Variants in NPAS3 observed in about 807,000 individuals in gnomAD.
The protein encoded by NPAS3 is neuronal PAS domain protein 3.
A neutral mutation model predicts 73.1 loss-of-function variants in NPAS3; 14 were observed. The ratio of observed to expected loss-of-function variants is 0.19; its 90% CI spans 0.13 to 0.30. The LOEUF (loss-of-function observed/expected upper bound fraction) is 0.30, where lower values mean the gene tolerates loss of function less well. Among genes scored for constraint, NPAS3 ranks in the 10% least tolerant of loss-of-function variants. The probability of loss-of-function intolerance (pLI) is 1.00; values close to 1 mark genes in which losing one functional copy is unlikely to be tolerated. For synonymous variants in NPAS3, 620 were observed against 541.5 expected, an observed-to-expected ratio of 1.14 and a Z score of -2.01; for missense variants, 1,096 against 1,250.0, an observed-to-expected ratio of 0.88 and a Z score of 1.86.
chr14:33,202,119 G>C (rs1010514093), intron 2 of NPAS3, among the ~76,000 whole-genome samples: 6 of 151,920 alleles, frequency 3.9e-5, no homozygotes, highest in African/African-American at 1.5e-4. Context: ...AAATGTTACT[G>C]GGCCTAGTGT....
chr14:33,360,436 T>C (rs1388577743), intron 3 of NPAS3, among the ~76,000 whole-genome samples: 2 of 152,342 alleles, frequency 1.3e-5, no homozygotes, highest in East Asian at 3.9e-4. Context: ...TTGGGTATGA[T>C]CTAATTTTTT....
At chr14:32,938,527 G>A (rs547970701), upstream of NPAS3, among the ~76,000 whole-genome samples, 5 of 71,178 alleles carry the variant, frequency 7.0e-5, no homozygotes, top group East Asian at 8.1e-4. Flanking sequence ...GAGAGAGAAG[G>A]GGGGGGAGGT....
chr14:33,492,923 G>A (rs1397619377), intron 4 of NPAS3, among the ~76,000 whole-genome samples: 1 of 152,124 alleles, frequency 6.6e-6, no homozygotes, highest in Non-Finnish European at 1.5e-5. Context: ...ATCTTAACCT[G>A]TCACTATATT....
intron 4 of NPAS3, among the ~76,000 whole-genome samples, chr14:33,529,588 G>A (rs1266067774): frequency 6.6e-6 from 1 of 152,046 alleles, no homozygotes; most frequent in Non-Finnish European, 1.5e-5. Context: ...TGTTGTTAAA[G>A]TAATGGGCAT....
intron 3 of NPAS3, among the ~76,000 whole-genome samples, chr14:33,336,920 A>G (rs1024498199): frequency 6.6e-6 from 1 of 151,822 alleles, no homozygotes; most frequent in East Asian, 1.9e-4. Context: ...CCCATTTTTT[A>G]TTGGGTTGTT....
intron 4 of NPAS3, among the ~76,000 whole-genome samples, chr14:33,453,588 T>C (rs548382654): frequency 1.0e-3 from 159 of 152,310 alleles, no homozygotes; most frequent in African/African-American, 3.8e-3. Context: ...ATTCTGGATT[T>C]GTTATCCACA....
At chr14:33,648,400 A>G (rs1414010862) in intron 5 of NPAS3, among the ~76,000 whole-genome samples, 1 of 152,224 alleles carries the variant, frequency 6.6e-6, no homozygotes, top group East Asian at 1.9e-4. Context: ...TAACTTGGGC[A>G]TGTACCATTT....
intron 3 of NPAS3, among the ~76,000 whole-genome samples, chr14:33,325,692 T>G (rs1190389757): frequency 6.7e-6 from 1 of 148,644 alleles, no homozygotes; most frequent in Admixed American, 6.7e-5. Flanking sequence ...ATAGTCACCC[T>G]GTTGTGTTAT....
intron 5 of NPAS3, among the ~76,000 whole-genome samples, chr14:33,593,827 G>A (rs775298067): frequency 1.6e-4 from 24 of 152,134 alleles, no homozygotes; most frequent in Non-Finnish European, 3.1e-4. Flanking sequence ...CAGAATAGTA[G>A]GCAATGTGAG....
At chr14:33,729,395 A>G (rs1192486007) in intron 6 of NPAS3, among the ~76,000 whole-genome samples, 1 of 152,188 alleles carries the variant, frequency 6.6e-6, no homozygotes, top group East Asian at 1.9e-4. Context: ...GTATTGGATA[A>G]CAAATTACCC....
At chr14:33,089,377 T>A (rs140341769) in intron 2 of NPAS3, among the ~76,000 whole-genome samples, 2,887 of 152,234 alleles carry the variant, frequency 0.019, 87 homozygotes, top group African/African-American at 0.066. Context: ...GCTGATTCAA[T>A]CAACTGGAAG....
chr14:33,519,562 G>A (rs556383578), intron 4 of NPAS3, among the ~76,000 whole-genome samples: 9 of 152,238 alleles, frequency 5.9e-5, no homozygotes, highest in South Asian at 2.1e-4. Context: ...TTTGTGTAAC[G>A]TGGGACAGAT....
chr14:33,622,284 C>T (rs1052989147), intron 5 of NPAS3, among the ~76,000 whole-genome samples: 8 of 151,804 alleles, frequency 5.3e-5, no homozygotes, highest in Non-Finnish European at 7.4e-5. Context: ...AGCGGATTTC[C>T]GTATAGCTAA....
At chr14:33,756,708 G>GC (rs2062126021) in intron 7 of NPAS3, among the ~76,000 whole-genome samples, 1 of 152,216 alleles carries the variant, frequency 6.6e-6, no homozygotes, top group Admixed American at 6.5e-5. Flanking sequence ...CTTTCATGCA[G>GC]TAGATAGATG....
At chr14:33,022,843 T>G (rs755012425) in intron 1 of NPAS3, among the ~76,000 whole-genome samples, 6 of 152,124 alleles carry the variant, frequency 3.9e-5, no homozygotes, top group Non-Finnish European at 8.8e-5. Context: ...TGACAGCTTT[T>G]TATTTGCCAG....
chr14:33,106,643 G>T (rs1428145659), intron 2 of NPAS3, among the ~76,000 whole-genome samples: 1 of 152,146 alleles, frequency 6.6e-6, no homozygotes, highest in African/African-American at 2.4e-5. Context: ...TTATCTTTAA[G>T]TACAAGCTAA....
At chr14:33,530,052 T>A (rs2053973020) in intron 4 of NPAS3, among the ~76,000 whole-genome samples, 1 of 152,170 alleles carries the variant, frequency 6.6e-6, no homozygotes, top group South Asian at 2.1e-4. Flanking sequence ...TCCAATTTTT[T>A]TTAGTGATAA....
chr14:33,079,295 G>A (rs2041777759), intron 2 of NPAS3, among the ~76,000 whole-genome samples: 1 of 150,128 alleles, frequency 6.7e-6, no homozygotes, highest in Non-Finnish European at 1.5e-5. Context: ...ATATTTTCAA[G>A]GTTCACTTGA....
chr14:33,530,953 G>T (rs1198065013), intron 4 of NPAS3, among the ~76,000 whole-genome samples: 4 of 152,066 alleles, frequency 2.6e-5, no homozygotes, highest in African/African-American at 9.7e-5. Flanking sequence ...AGGATGCTCT[G>T]CAAGTATGGG....
Sources: gnomAD v4.1 joint callset for allele counts (sites outside exome capture counted in the v4.1 genomes callset) on GRCh38, gnomAD v4.1.1 for gene constraint, MANE v1.5 for transcripts, NCBI Gene and HGNC (gene_info 2026-07-23, HGNC 2026-07-21) for gene names.